ROBO2: variants seen among roughly 807,000 people sequenced by gnomAD.
The protein encoded by ROBO2 is roundabout homolog 2.
In ROBO2, 53 loss-of-function variants were observed where a neutral mutation model predicts 160.8. The observed-to-expected ratio is 0.33, with a 90% CI of 0.26 to 0.41. The LOEUF is 0.41. Among genes scored for constraint, ROBO2 ranks in the 10% least tolerant of loss-of-function variants. The pLI, the probability that ROBO2 is intolerant of heterozygous loss-of-function variation, is 1.00. For synonymous variants in ROBO2, 664 were observed against 611.7 expected (o/e 1.09, Z -1.26); for missense variants, 1,577 against 1,722.4 (o/e 0.92, Z 1.49).
chr3:77,192,979 G>A (rs1165779145), intron 2 of ROBO2, among the ~76,000 whole-genome samples: 1 of 151,768 alleles, frequency 6.6e-6, no homozygotes, highest in Admixed American at 6.6e-5. Flanking sequence ...AATATATACT[G>A]TGCTTTACAA....
At chr3:77,246,222 C>G (rs911135887) in intron 2 of ROBO2, among the ~76,000 whole-genome samples, 2 of 152,070 alleles carry the variant, frequency 1.3e-5, no homozygotes, top group African/African-American at 4.8e-5. Context: ...TTTATACCTT[C>G]TTAGGCACAA....
At chr3:77,144,899 G>T (rs1314063185) in intron 2 of ROBO2, among the ~76,000 whole-genome samples, 2 of 152,072 alleles carry the variant, frequency 1.3e-5, no homozygotes, top group African/African-American at 4.8e-5. Context: ...AGTGGAACAT[G>T]ATGATAAAAA....
chr3:76,960,356 G>A (rs562962165), intron 2 of ROBO2, among the ~76,000 whole-genome samples: 1 of 151,952 alleles, frequency 6.6e-6, no homozygotes, highest in Admixed American at 6.5e-5. Flanking sequence ...TATTGCTATG[G>A]GTTGTTGATT....
At chr3:77,089,537 A>C (rs375360869) in intron 1 of ROBO2, among the ~76,000 whole-genome samples, 4 of 152,184 alleles carry the variant, frequency 2.6e-5, no homozygotes, top group African/African-American at 9.7e-5. Context: ...AAATTTTTCT[A>C]AGAAATAAGT....
At chr3:76,842,875 G>T (rs1223303320) in intron 2 of ROBO2, among the ~76,000 whole-genome samples, 1 of 152,028 alleles carries the variant, frequency 6.6e-6, no homozygotes, top group Non-Finnish European at 1.5e-5. Context: ...TGACATGAAT[G>T]AGTTATTATT....
intron 2 of ROBO2, among the ~76,000 whole-genome samples, chr3:75,983,798 T>C (rs1004962775): frequency 3.3e-5 from 5 of 151,394 alleles, no homozygotes; most frequent in African/African-American, 1.2e-4. Flanking sequence ...CACACATCAG[T>C]AGAGTTGGCA....
At position 76,447,796 on chromosome 3, in the gene ROBO2, A is replaced by G. The variant is rs564817968; in HGVS notation, c.109+510194A>G. On this transcript the variant is annotated intron_variant, in intron 2 of 26. Coordinates refer to the ROBO2 transcript ENST00000487694. Reference sequence around the variant, plus strand: ...TCTCAGCAAACTATCACAAGGACAAAAAACCAAGCACTGCATTTTCTCACT... The same window carrying G: ...TCTCAGCAAACTATCACAAGGACAAGAAACCAAGCACTGCATTTTCTCACT... Among the ~76,000 whole-genome samples the G allele has an allele frequency of 3.3e-5, 5 of 150,982 alleles. No individual in the cohort carries two copies. In the East Asian group the frequency reaches 9.8e-4, roughly 30 times the overall value.
At chr3:76,772,603 A>G (rs955482621) in intron 2 of ROBO2, among the ~76,000 whole-genome samples, 1 of 149,798 alleles carries the variant, frequency 6.7e-6, no homozygotes, top group East Asian at 2.0e-4. Context: ...ATTTATTTTA[A>G]GTTTACTTTG....
At chr3:77,213,741 C>G (rs1187219632) in intron 2 of ROBO2, among the ~76,000 whole-genome samples, 1 of 152,038 alleles carries the variant, frequency 6.6e-6, no homozygotes, top group Non-Finnish European at 1.5e-5. Context: ...CCTCTACACA[C>G]TGCTTTGAAT....
intron 21 of ROBO2, among the ~76,000 whole-genome samples, chr3:77,613,736 A>G (rs1485994496): frequency 6.6e-6 from 1 of 152,210 alleles, no homozygotes; most frequent in Non-Finnish European, 1.5e-5. Flanking sequence ...GAACAGTTCA[A>G]TGTCATAACT....
At chr3:77,206,318 C>T (rs1409576790) in intron 2 of ROBO2, among the ~76,000 whole-genome samples, 3 of 151,950 alleles carry the variant, frequency 2.0e-5, no homozygotes, top group Admixed American at 6.6e-5. Context: ...TACAGGTGCC[C>T]GCCACCAAGC....
At chr3:76,367,647 T>G (rs2075890505) in intron 2 of ROBO2, among the ~76,000 whole-genome samples, 1 of 151,990 alleles carries the variant, frequency 6.6e-6, no homozygotes, top group South Asian at 2.1e-4. Context: ...GAGCTTTTTA[T>G]ACCATTTACA....
intron 6 of ROBO2, among the ~76,000 whole-genome samples, chr3:77,539,301 T>C (rs2092344023): frequency 6.6e-6 from 1 of 152,238 alleles, no homozygotes; most frequent in Admixed American, 6.5e-5. Context: ...GAATGTTGGC[T>C]ACTCATTTAT....
At chr3:77,258,353 G>A (rs1318874191) in intron 2 of ROBO2, among the ~76,000 whole-genome samples, 3 of 152,108 alleles carry the variant, frequency 2.0e-5, no homozygotes, top group African/African-American at 7.2e-5. Context: ...TGCTATAAAA[G>A]TTTAAGTCTG....
chr3:76,499,976 A>G (rs1392052601), intron 2 of ROBO2, among the ~76,000 whole-genome samples: 5 of 152,192 alleles, frequency 3.3e-5, no homozygotes, highest in African/African-American at 7.2e-5. Flanking sequence ...AACTTTATTT[A>G]CATAAAGACC....
chr3:77,136,641 A>AT (rs1328396109), intron 2 of ROBO2, among the ~76,000 whole-genome samples: 5,440 of 140,236 alleles, frequency 0.039, 263 homozygotes, highest in East Asian at 0.23. Context: ...CACCCAATTA[A>AT]TTTTTTTTTT....
intron 2 of ROBO2, among the ~76,000 whole-genome samples, chr3:77,392,739 G>C (rs988408877): frequency 6.6e-6 from 1 of 152,112 alleles, no homozygotes; most frequent in African/African-American, 2.4e-5. Context: ...GCAAATCCTT[G>C]AGCTAAACAT....
At chr3:76,125,521 T>C (rs1481776579) in intron 2 of ROBO2, among the ~76,000 whole-genome samples, 1 of 152,146 alleles carries the variant, frequency 6.6e-6, no homozygotes, top group Admixed American at 6.6e-5. Context: ...GTTTTCTGAC[T>C]TTTTAACAAC....
intron 2 of ROBO2, among the ~76,000 whole-genome samples, chr3:76,978,634 TCTGAAAAACCAA>T (rs2059926855): frequency 6.6e-6 from 1 of 152,036 alleles, no homozygotes; most frequent in South Asian, 2.1e-4. Flanking sequence ...TTCTCCAGGC[TCTGAAAAACCAA>T]GTTGTCTATG....
Sources: allele counts gnomAD v4.1 joint callset (sites outside exome capture counted in the v4.1 genomes callset), GRCh38; gene constraint gnomAD v4.1.1; transcripts MANE v1.5; gene names NCBI Gene and HGNC (gene_info 2026-07-23, HGNC 2026-07-21).